The following RUVBL2 variants were observed in gnomAD, a reference collection of about 807,000 sequenced individuals.
The protein encoded by RUVBL2 is ruvB-like 2.
RUVBL2 carries 9 observed loss-of-function variants against 57.9 expected under a neutral mutation model. The observed-to-expected ratio is 0.16, with a 90% CI of 0.09 to 0.27. The LOEUF (loss-of-function observed/expected upper bound fraction) is 0.27. RUVBL2 is among the 10% of genes least tolerant of loss of function. RUVBL2 has a pLI of 1.00. For synonymous variants in RUVBL2, 278 were observed against 264.6 expected (o/e 1.05, Z -0.49); for missense variants, 456 against 669.6 (o/e 0.68, Z 3.52).
intron 8 of RUVBL2, 21 bp from the exon 9 acceptor site, chr19:49,010,467 T>TGGGCCCCCCC: frequency 7.1e-7 from 1 of 1,401,204 alleles, no homozygotes; most frequent in Non-Finnish European, 9.9e-7. Flanking sequence ...CCGCCGTTCT[T>TGGGCCCCCCC]CCCCCACCCC....
At chr19:49,013,103 AT>A (rs1261083177) in intron 11 of RUVBL2, among the ~76,000 whole-genome samples, 1 of 152,174 alleles carries the variant, frequency 6.6e-6, no homozygotes, top group African/African-American at 2.4e-5. Context: ...AGCTGGGATT[AT>A]GGGCACCCGC....
rs2039293471 is a variant in RUVBL2 at position 49,006,999 on chromosome 19, C to T, written c.266-19C>T. ...TGGTGCCAGAGCGGCTTCACCTACA[C>T]AGACTGCCTCCTTCCCAGGCATGGC... On this transcript the variant is annotated intron_variant, in intron 4 of 14. Coordinates refer to ENST00000595090, the MANE Select transcript of RUVBL2 (RefSeq NM_006666.3). 1.2e-6 allele frequency: 2 copies of T among 1,611,744 alleles called. No homozygotes were observed. Among genetic ancestry groups the T allele is most frequent in the East Asian group, 2.2e-5 (1 of 44,868 alleles).
intron 12 of RUVBL2, 53 bp downstream of exon 12, chr19:49,014,656 G>A (rs1198158659): frequency 1.2e-6 from 2 of 1,600,736 alleles, no homozygotes; most frequent in Admixed American, 1.7e-5. Flanking sequence ...GGTCTACCCT[G>A]TTTGACAAAT....
chr19:48,995,986 CAAAA>C (rs562564350), intron 1 of RUVBL2, among the ~76,000 whole-genome samples: 6 of 83,698 alleles, frequency 7.2e-5, no homozygotes, highest in Admixed American at 1.3e-4. Context: ...GGCTGTGTCT[CAAAA>C]AAAAAAAAAA....
chr19:48,993,555 C>T, upstream of RUVBL2: 1 of 461,014 alleles, frequency 2.2e-6, no homozygotes, highest in Non-Finnish European at 4.0e-6. Context: ...CTGGAGGCCT[C>T]AAAGTGGGGA....
At chr19:49,006,610 G>T (rs1283549766) in intron 4 of RUVBL2, among the ~76,000 whole-genome samples, 1 of 152,236 alleles carries the variant, frequency 6.6e-6, no homozygotes, top group African/African-American at 2.4e-5. Context: ...ATCTGGGATG[G>T]GAGCCGAGGC....
At chr19:49,001,812 G>A (rs1027503640) in intron 2 of RUVBL2, among the ~76,000 whole-genome samples, 1 of 151,590 alleles carries the variant, frequency 6.6e-6, no homozygotes, top group African/African-American at 2.4e-5. Flanking sequence ...TGGTTTCACT[G>A]TGTTAGCCAG....
At chr19:48,998,000 G>A (rs144025329) in intron 1 of RUVBL2, among the ~76,000 whole-genome samples, 66 of 152,326 alleles carry the variant, frequency 4.3e-4, no homozygotes, top group African/African-American at 1.6e-3. Context: ...GAGTCCCGAG[G>A]TGAACAAGAG....
At chr19:49,015,751 G>T in intron 14 of RUVBL2, 65 bp downstream of exon 14, 1 of 1,612,010 alleles carries the variant, frequency 6.2e-7, no homozygotes, top group Non-Finnish European at 8.5e-7. Context: ...GAGGGAGCTC[G>T]GCGTAGAAGG....
intron 12 of RUVBL2, 39 bp from the exon 13 acceptor site, chr19:49,014,982 G>A: frequency 6.4e-7 from 1 of 1,567,462 alleles, no homozygotes; most frequent in Non-Finnish European, 8.6e-7. Flanking sequence ...TCAGAGGCTG[G>A]GCCCCGGCTG....
At chr19:48,999,440 A>G (rs2039133166) in intron 2 of RUVBL2, 67 bp downstream of exon 2, 53 of 1,528,440 alleles carry the variant, frequency 3.5e-5, no homozygotes, top group Non-Finnish European at 4.8e-5. Flanking sequence ...GAGCAAACCT[A>G]TTGAGGACCC....
At chr19:48,997,291 A>G (rs1447233229) in intron 1 of RUVBL2, among the ~76,000 whole-genome samples, 2 of 152,104 alleles carry the variant, frequency 1.3e-5, no homozygotes, top group Non-Finnish European at 2.9e-5. Flanking sequence ...CAGTCAGTAT[A>G]ATGTTTTCAA....
chr19:48,998,580 G>A (rs980134894), intron 1 of RUVBL2, among the ~76,000 whole-genome samples: 2 of 152,008 alleles, frequency 1.3e-5, no homozygotes, highest in African/African-American at 4.8e-5. Flanking sequence ...GTGGTGGTGT[G>A]CGCCTGTAGT....
chr19:49,004,422 A>G lies in RUVBL2; in HGVS notation c.265+4A>G. The G allele has an allele frequency of 6.2e-7, 1 of 1,611,068 alleles. No individual in the cohort carries two copies. The highest frequency in any genetic ancestry group is 8.5e-7 in the Non-Finnish European group (1 of 1,179,294). ...GGGAAGACGGCCATCGCCATGGGTA[A>G]GAAACCTCCCAGGGCAGGAACTCTC... On this transcript the variant is annotated splice_donor_region_variant and intron_variant, in intron 4 of 14. Coordinates refer to ENST00000595090, the MANE Select transcript of RUVBL2 (RefSeq NM_006666.3).
chr19:49,012,294 T>C lies in RUVBL2; in HGVS notation c.1001+984T>C, dbSNP rs573246469. 4.6e-5 allele frequency among the ~76,000 whole-genome samples: 7 copies of C among 152,266 alleles called. No individual in the cohort carries two copies. In the South Asian group the frequency reaches 1.5e-3, roughly 32 times the overall value. ...CTCTGTGTTTGGCTCTTTTAACTCC[T>C]TGGATCCGCAGAAGAAGCTCAGAAG... On this transcript the variant is annotated intron_variant, in intron 11 of 14. Transcript: ENST00000595090.
In RUVBL2 at chr19:49,012,640, T is replaced by C. The variant is rs546503905; in HGVS notation, c.1001+1330T>C. On this transcript the variant is annotated intron_variant, in intron 11 of 14. Coordinates refer to ENST00000595090, the MANE Select transcript of RUVBL2 (RefSeq NM_006666.3). Reference sequence around the variant, plus strand: ...CCCTGCTTTCGGCAACAAATTCAAGTCACCTGACACCCACTTTCCCAGCTG... The same window carrying C: ...CCCTGCTTTCGGCAACAAATTCAAGCCACCTGACACCCACTTTCCCAGCTG... 2.0e-4 allele frequency among the ~76,000 whole-genome samples: 31 copies of C among 152,338 alleles called. 1 individual carries two copies. The highest frequency in any genetic ancestry group is 1.3e-3 in the Admixed American group (20 of 15,296).
At chr19:48,999,880 T>C (rs2039143433) in intron 2 of RUVBL2, among the ~76,000 whole-genome samples, 1 of 152,174 alleles carries the variant, frequency 6.6e-6, no homozygotes, top group African/African-American at 2.4e-5. Flanking sequence ...TCAGGACAGC[T>C]AAATCACTGG....
chr19:49,010,335 C>CCTCCTGGG (rs1269533033), intron 8 of RUVBL2, 153 bp from the exon 9 acceptor site: 6 of 792,672 alleles, frequency 7.6e-6, no homozygotes. Context: ...GTCCTGACTA[C>CCTCCTGGG]CTCCTGGGCC....
At chr19:49,007,259 G>T in intron 5 of RUVBL2, 43 bp from the exon 6 acceptor site, 1 of 1,608,938 alleles carries the variant, frequency 6.2e-7, no homozygotes, top group South Asian at 1.1e-5. Context: ...ATTCCCGAGG[G>T]TCCAGGTGTC....
Sources: gnomAD v4.1 joint callset for allele counts (sites outside exome capture counted in the v4.1 genomes callset) on GRCh38, gnomAD v4.1.1 for gene constraint, MANE v1.5 for transcripts, NCBI Gene and HGNC (gene_info 2026-07-23, HGNC 2026-07-21) for gene names.